LAMA2: variants seen among roughly 807,000 people sequenced by gnomAD.
LAMA2 encodes laminin subunit alpha 2, also known as laminin subunit alpha-2.
Under a neutral mutation model 364.8 loss-of-function variants are expected in LAMA2, and 269 were observed. The observed-to-expected ratio is 0.74, with a 90% CI of 0.67 to 0.82. The LOEUF is 0.82. LAMA2 is among the 40% of genes least tolerant of loss of function. LAMA2 has a pLI of 0.00. For synonymous variants in LAMA2, 1,379 were observed against 1,370.6 expected (o/e 1.01, Z -0.14); for missense variants, 3,807 against 3,873.2 (o/e 0.98, Z 0.45).
Position 129,210,024 on chromosome 6 carries a change from A to AAAAAAAAAAAAAAAAAAAAAT in LAMA2, c.1782+17172_1782+17173insAAAAAAAAAAAAAAAAAAATA, listed in dbSNP as rs200129656. ...ATCTCAAAAAAAAAAAAAAAAAAAA[A>AAAAAAAAAAAAAAAAAAAAAT]ATTTTTACTATTGACCCTTACTCTG... On this transcript the variant is annotated intron_variant, in intron 12 of 64. Coordinates refer to ENST00000421865, the MANE Select transcript of LAMA2 (RefSeq NM_000426.4). Among the ~76,000 whole-genome samples the AAAAAAAAAAAAAAAAAAAAAT allele has an allele frequency of 3.4e-5, 5 of 145,322 alleles. No individual in the cohort carries two copies. In the East Asian group the frequency reaches 6.7e-4, roughly 19 times the overall value.
intron 1 of LAMA2, among the ~76,000 whole-genome samples, chr6:129,048,361 C>T (rs1472560023): frequency 6.6e-6 from 1 of 152,026 alleles, no homozygotes. Context: ...GTAAAAAAGG[C>T]AGAAAACACA....
At chr6:129,465,310 T>C (rs764265147) in intron 51 of LAMA2, 21 bp downstream of exon 51, 4 of 1,582,612 alleles carry the variant, frequency 2.5e-6, no homozygotes, top group South Asian at 1.1e-5. Context: ...ACAGTAATAA[T>C]GCAATATAGG....
chr6:129,282,454 T>G (rs1457090062), intron 18 of LAMA2, among the ~76,000 whole-genome samples: 1 of 152,118 alleles, frequency 6.6e-6, no homozygotes, highest in East Asian at 1.9e-4. Context: ...CCATTTCAAG[T>G]TGTTTTCTTC....
chr6:129,467,029 A>G (rs1029932423), intron 51 of LAMA2, among the ~76,000 whole-genome samples: 2 of 151,848 alleles, frequency 1.3e-5, no homozygotes, highest in African/African-American at 2.4e-5. Context: ...CTTCTCTTCT[A>G]TAGTAGTAGA....
intron 40 of LAMA2, among the ~76,000 whole-genome samples, chr6:129,422,118 A>G (rs1455390730): frequency 6.6e-6 from 1 of 151,832 alleles, no homozygotes; most frequent in Non-Finnish European, 1.5e-5. Context: ...GAGCTGAAAT[A>G]CTCGCTCTCA....
chr6:129,395,896 T>C (rs566565608), intron 37 of LAMA2, among the ~76,000 whole-genome samples: 5 of 152,136 alleles, frequency 3.3e-5, no homozygotes, highest in Admixed American at 1.3e-4. Context: ...AGTGGTTTGA[T>C]AGGCTTGGAA....
intron 1 of LAMA2, among the ~76,000 whole-genome samples, chr6:128,920,253 G>C (rs939826866): frequency 6.6e-6 from 1 of 151,904 alleles, no homozygotes; most frequent in Admixed American, 6.6e-5. Flanking sequence ...CACCTCCCGG[G>C]TTCAAGCGAT....
chr6:129,076,542 A>G (rs1222038218), intron 3 of LAMA2, among the ~76,000 whole-genome samples: 1 of 145,778 alleles, frequency 6.9e-6, no homozygotes, highest in Non-Finnish European at 1.5e-5. Flanking sequence ...AATCTTTAAT[A>G]AGAGGTGAAT....
intron 1 of LAMA2, among the ~76,000 whole-genome samples, chr6:128,894,312 T>C (rs9492133): frequency 0.067 from 10,135 of 152,228 alleles, 1,004 homozygotes; most frequent in African/African-American, 0.21. Flanking sequence ...ATATTTTAAT[T>C]ACATTTTTTA....
chr6:129,237,301 T>C (rs534966734), intron 12 of LAMA2, among the ~76,000 whole-genome samples: 1 of 150,972 alleles, frequency 6.6e-6, no homozygotes, highest in Admixed American at 6.7e-5. Flanking sequence ...TCAATATTTT[T>C]TACTACAAAC....
chr6:129,027,273 A>G (rs1785888538), intron 1 of LAMA2, among the ~76,000 whole-genome samples: 1 of 152,046 alleles, frequency 6.6e-6, no homozygotes, highest in African/African-American at 2.4e-5. Context: ...GCACTTCATC[A>G]TTATTTGCTG....
intron 3 of LAMA2, among the ~76,000 whole-genome samples, chr6:129,085,669 C>G (rs982507573): frequency 5.3e-5 from 8 of 152,182 alleles, no homozygotes; most frequent in Non-Finnish European, 1.0e-4. Flanking sequence ...CGGAGGAGTT[C>G]TCTAAGGACT....
chr6:129,394,259 C>T (rs773515972), intron 37 of LAMA2, among the ~76,000 whole-genome samples: 8 of 152,186 alleles, frequency 5.3e-5, no homozygotes, highest in Non-Finnish European at 1.2e-4. Context: ...TATACATCTT[C>T]TAACACATAA....
intron 28 of LAMA2, 99 bp from the exon 29 acceptor site, chr6:129,328,179 G>A (rs2114532464): frequency 2.9e-6 from 3 of 1,027,708 alleles, no homozygotes; most frequent in Non-Finnish European, 3.1e-6. Flanking sequence ...GCCGCAGGTG[G>A]GGGAAGGCCA....
intron 4 of LAMA2, among the ~76,000 whole-genome samples, chr6:129,119,054 C>T (rs185160325): frequency 6.6e-6 from 1 of 152,098 alleles, no homozygotes; most frequent in Admixed American, 6.5e-5. Flanking sequence ...AAGAAAGTCC[C>T]CTCTTCTCTC....
intron 1 of LAMA2, among the ~76,000 whole-genome samples, chr6:129,009,100 G>T (rs1283177155): frequency 3.3e-5 from 5 of 152,080 alleles, no homozygotes; most frequent in Admixed American, 2.6e-4. Flanking sequence ...TCATGCCATT[G>T]GGGTCTCATC....
intron 4 of LAMA2, among the ~76,000 whole-genome samples, chr6:129,098,832 A>G (rs1248605180): frequency 6.6e-6 from 1 of 152,204 alleles, no homozygotes; most frequent in Non-Finnish European, 1.5e-5. Context: ...GACCCAAATG[A>G]AAAGTAATTC....
chr6:129,420,593 T>C (rs1201104811), intron 40 of LAMA2, among the ~76,000 whole-genome samples: 1 of 152,166 alleles, frequency 6.6e-6, no homozygotes, highest in Non-Finnish European at 1.5e-5. Flanking sequence ...TAGTTACTAC[T>C]GTCTTTAAAA....
chr6:129,345,113 C>T (rs1361347901), intron 30 of LAMA2, among the ~76,000 whole-genome samples: 1 of 152,056 alleles, frequency 6.6e-6, no homozygotes, highest in Non-Finnish European at 1.5e-5. Context: ...CAGATTTTAG[C>T]CCTGGATCTT....
Sources: allele counts gnomAD v4.1 joint callset (sites outside exome capture counted in the v4.1 genomes callset), GRCh38; gene constraint gnomAD v4.1.1; transcripts MANE v1.5; gene names NCBI Gene and HGNC (gene_info 2026-07-23, HGNC 2026-07-21).